Variants in EFR3B observed in about 807,000 individuals in gnomAD.
The protein encoded by EFR3B is protein EFR3 homolog B.
EFR3B carries 64 observed loss-of-function variants against 104.7 expected under a neutral mutation model. That is an observed-to-expected ratio of 0.61 (90% confidence interval 0.50 to 0.75). The LOEUF is 0.75. EFR3B is among the 30% of genes least tolerant of loss of function. EFR3B has a pLI of 0.00. For missense variants in EFR3B, 750 were observed against 1,078.5 expected (o/e 0.70, Z 4.27); for synonymous variants, 385 against 417.9 (o/e 0.92, Z 0.96).
chr2:25,092,486 C>A (rs1172743493), intron 2 of EFR3B, among the ~76,000 whole-genome samples: 1 of 151,822 alleles, frequency 6.6e-6, no homozygotes, highest in Non-Finnish European at 1.5e-5. Context: ...TGTATACATT[C>A]ATGTATATAT....
intron 1 of EFR3B, among the ~76,000 whole-genome samples, chr2:25,069,925 C>G (rs1480633752): frequency 6.6e-6 from 1 of 152,206 alleles, no homozygotes; most frequent in African/African-American, 2.4e-5. Flanking sequence ...TCTCAATCTC[C>G]TGACCTCGTG....
intron 19 of EFR3B, among the ~76,000 whole-genome samples, chr2:25,148,921 C>CAAAAA (rs57218512): frequency 2.9e-5 from 2 of 68,476 alleles, no homozygotes; most frequent in Non-Finnish European, 5.4e-5. Flanking sequence ...GACTCCGTCT[C>CAAAAA]AAAAAAAAAA....
intron 1 of EFR3B, among the ~76,000 whole-genome samples, chr2:25,084,871 A>G (rs1187982347): frequency 6.6e-6 from 1 of 152,222 alleles, no homozygotes; most frequent in Non-Finnish European, 1.5e-5. Context: ...CTCAGTGAGC[A>G]GAGAGGGGAC....
chr2:25,064,545 T>C (rs145897796), intron 1 of EFR3B, among the ~76,000 whole-genome samples: 26 of 152,298 alleles, frequency 1.7e-4, no homozygotes, highest in Admixed American at 5.2e-4. Context: ...TCTAACACTA[T>C]TGTTTTCATG....
intron 3 of EFR3B, among the ~76,000 whole-genome samples, chr2:25,097,505 G>C (rs1009555187): frequency 6.6e-6 from 1 of 152,100 alleles, no homozygotes; most frequent in African/African-American, 2.4e-5. Context: ...TTGGATGCTG[G>C]ACCCAGGGGC....
chr2:25,131,266 G>T lies in EFR3B; in HGVS notation c.850-102G>T, dbSNP rs905116585. 6.9e-7 allele frequency: 1 copy of T among 1,455,106 alleles called. No individual in the cohort carries two copies. The highest frequency in any genetic ancestry group is 9.2e-7 in the Non-Finnish European group (1 of 1,090,448). The allele number at this position is 1,455,106 out of a possible 1,614,324, so 90.1% of individuals were successfully genotyped here. On this transcript the variant is annotated intron_variant, in intron 8 of 22. Coordinates refer to ENST00000403714, the MANE Select transcript of EFR3B (RefSeq NM_014971.2). This position sits in a 1 kb window ranked among gnomAD's most constrained non-coding sequence, Gnocchi z 7.6. ...ACTGCAGTGCCCGGGGCCTTGGAAC[G>T]TCCCTTTAGTTTACCCCCGCCTTTG...
chr2:25,137,593 G>A lies in EFR3B; in HGVS notation c.1722+91G>A. ...CTGATAAGAGTATTGACTAGCAACT[G>A]CTTAACACTGTTTTGGAGCCCAGGA... On this transcript the variant is annotated intron_variant, in intron 15 of 22. Coordinates refer to ENST00000403714, the MANE Select transcript of EFR3B (RefSeq NM_014971.2). This position sits in a 1 kb window ranked among gnomAD's most constrained non-coding sequence, Gnocchi z 4.7. 6.7e-7 allele frequency: 1 copy of A among 1,501,070 alleles called. No homozygotes were observed. The highest frequency in any genetic ancestry group is 9.0e-7 in the Non-Finnish European group (1 of 1,113,146). 93.0% of individuals were successfully genotyped at this position (1,501,070 alleles called of 1,614,324 possible).
At chr2:25,081,498 C>T in intron 1 of EFR3B, 2 of 1,377,594 alleles carry the variant, frequency 1.5e-6, no homozygotes, top group African/African-American at 2.8e-5. Context: ...CAGCTTCTTG[C>T]AATAATTCCA....
chr2:25,103,805 G>A lies in EFR3B; in HGVS notation c.363+18G>A, dbSNP rs1669487643. On this transcript the variant is annotated intron_variant, in intron 4 of 22. Coordinates refer to ENST00000403714, the MANE Select transcript of EFR3B (RefSeq NM_014971.2). The stretch of plus-strand genomic sequence containing the variant: ...CCAACTCGGTAAGGAGCGGCCCAGG[G>A]GGCTCCAGGTCTCCCAGCCGCATCC... The A allele has an allele frequency of 3.2e-6, 5 of 1,550,542 alleles. No individual in the cohort carries two copies. Among genetic ancestry groups the A allele is most frequent in the Non-Finnish European group, 4.4e-6 (5 of 1,146,318 alleles).
At position 25,137,548 on chromosome 2, in the gene EFR3B, G is replaced by A. The variant is rs527687607; in HGVS notation, c.1722+46G>A. 9.0e-6 allele frequency: 14 copies of A among 1,549,838 alleles called. No homozygotes were observed. The Admixed American group carries it at 1.6e-4, about 17-fold the overall frequency. On this transcript the variant is annotated intron_variant, in intron 15 of 22. Transcript: ENST00000403714. This position sits in a 1 kb window ranked among gnomAD's most constrained non-coding sequence, Gnocchi z 4.7. ...GGCATGGGGCTTGGGATCAGGGGAG[G>A]GACTTGTTTTGGGCAAGCCCTGATA...
At chr2:25,109,076 A>AAGAT (rs1470112731) in intron 4 of EFR3B, among the ~76,000 whole-genome samples, 5 of 152,192 alleles carry the variant, frequency 3.3e-5, no homozygotes, top group African/African-American at 4.8e-5. Flanking sequence ...AGACAGTAAA[A>AAGAT]AGATAACCCA....
intron 1 of EFR3B, among the ~76,000 whole-genome samples, chr2:25,090,633 A>G (rs1029168057): frequency 7.2e-5 from 11 of 152,226 alleles, no homozygotes; most frequent in Non-Finnish European, 1.6e-4. Flanking sequence ...GGCCCTGCCC[A>G]ACTCTAAAAG....
At chr2:25,148,153 T>G (rs1670874901) in intron 19 of EFR3B, among the ~76,000 whole-genome samples, 2 of 151,844 alleles carry the variant, frequency 1.3e-5, no homozygotes, top group African/African-American at 4.8e-5. Context: ...GGATCTCCCT[T>G]CTTTGAGTTT....
rs187501754 is a variant in EFR3B, at chr2:25,050,422, A to T, written c.7+8103A>T. ...CAAAGGATGATGTTGGCTCCTTTTT[A>T]AAAAAAGCTCTGTGTGGGGGTGCAG... On this transcript the variant is annotated intron_variant, in intron 1 of 22. Transcript: ENST00000403714. 1.2e-4 allele frequency among the ~76,000 whole-genome samples: 18 copies of T among 152,254 alleles called. No individual in the cohort carries two copies. The East Asian group carries it at 3.5e-3, about 29-fold the overall frequency.
intron 1 of EFR3B, among the ~76,000 whole-genome samples, chr2:25,057,394 G>A (rs1351351811): frequency 2.7e-5 from 4 of 150,898 alleles, no homozygotes; most frequent in African/African-American, 4.9e-5. Context: ...CACCCAGCTC[G>A]TTAAGTGGCA....
intron 4 of EFR3B, among the ~76,000 whole-genome samples, chr2:25,112,902 G>A (rs759482040): frequency 6.6e-6 from 1 of 152,158 alleles, no homozygotes; most frequent in East Asian, 1.9e-4. Context: ...TATAGAAGAG[G>A]GAATGGCTAT....
chr2:25,151,849 G>A, intron 20 of EFR3B, 65 bp from the exon 21 acceptor site: 1 of 1,520,250 alleles, frequency 6.6e-7, no homozygotes, highest in Non-Finnish European at 8.9e-7. Flanking sequence ...AGTGCTCCCT[G>A]GAGGAGTCCC....
chr2:25,122,378 A>T (rs1421238634), intron 5 of EFR3B, among the ~76,000 whole-genome samples: 1 of 152,124 alleles, frequency 6.6e-6, no homozygotes, highest in East Asian at 1.9e-4. Flanking sequence ...ACACATGTGT[A>T]CACACACACA....
rs1671206040 is a variant in EFR3B at position 25,157,520 on chromosome 2, T to C, written c.*3180T>C. ...CCCTTTTTGCCACCCTTCTCTGATG[T>C]GATTTTGAGCGAAGAGGAGTCAGTA... On this transcript the variant is annotated 3_prime_UTR_variant, in exon 23 of 23. Transcript: ENST00000403714. The C allele has an allele frequency of 1.3e-5, 2 of 152,226 alleles. No homozygotes were observed. Among genetic ancestry groups the C allele is most frequent in the African/African-American group, 4.8e-5 (2 of 41,426 alleles). 9.4% of individuals were successfully genotyped at this position (152,226 alleles called of 1,614,324 possible).
Sources: gnomAD v4.1 joint callset for allele counts (sites outside exome capture counted in the v4.1 genomes callset) on GRCh38, gnomAD v4.1.1 for gene constraint, Gnocchi (gnomAD v3.1) non-coding constraint, MANE v1.5 for transcripts, NCBI Gene and HGNC (gene_info 2026-07-23, HGNC 2026-07-21) for gene names.